The following RNF144B variants were observed in gnomAD, a reference collection of about 807,000 sequenced individuals.
The protein encoded by RNF144B is ring finger protein 144B, also known as E3 ubiquitin-protein ligase RNF144B.
Under a neutral mutation model 40.2 loss-of-function variants are expected in RNF144B, and 25 were observed. The observed-to-expected ratio is 0.62, with a 90% CI of 0.45 to 0.87. The LOEUF (loss-of-function observed/expected upper bound fraction) is 0.87. RNF144B is among the 40% of genes least tolerant of loss of function. The pLI, the probability that RNF144B is intolerant of heterozygous loss-of-function variation, is 0.00. For synonymous variants in RNF144B, 145 were observed against 136.3 expected (o/e 1.06, Z -0.44); for missense variants, 365 against 373.7 (o/e 0.98, Z 0.19).
Position 18,410,753 on chromosome 6 carries a change from G to A in RNF144B, c.165+11054G>A, listed in dbSNP as rs149090540. 3.9e-5 allele frequency among the ~76,000 whole-genome samples: 6 copies of A among 152,088 alleles called. No homozygotes were observed. The highest frequency in any genetic ancestry group is 6.6e-5 in the Admixed American group (1 of 15,264). ...TTGGGAATGAGATAGGGAGGATGGCGTCGGTACAGGATAGAGAATGGACTG... is the reference window on the plus strand; with the variant it reads ...TTGGGAATGAGATAGGGAGGATGGCATCGGTACAGGATAGAGAATGGACTG... On this transcript the variant is annotated intron_variant, in intron 2 of 7. Transcript: ENST00000259939. This position sits in a 1 kb window ranked among gnomAD's most constrained non-coding sequence, Gnocchi z 4.6.
At chr6:18,396,280 A>T in intron 1 of RNF144B, 1 of 568,672 alleles carries the variant, frequency 1.8e-6, no homozygotes, top group African/African-American at 2.0e-5. Context: ...TCCATTATGG[A>T]TAATAATTGA....
In RNF144B at chr6:18,459,374, G is replaced by C. The variant is rs1396459004; in HGVS notation, c.537-233G>C. Among the ~76,000 whole-genome samples the C allele has an allele frequency of 2.0e-5, 3 of 150,440 alleles. No individual in the cohort carries two copies. The highest frequency in any genetic ancestry group is 7.3e-5 in the African/African-American group (3 of 41,142). On this transcript the variant is annotated intron_variant, in intron 5 of 7. Coordinates refer to ENST00000259939, the MANE Select transcript of RNF144B (RefSeq NM_182757.4). The surrounding 1 kb of genome is among the most constrained non-coding windows in gnomAD (Gnocchi z 4.2). ...AAATATTAATTTGACAAAATAGTGA[G>C]TTAAATCAGTGGTGGAAACTGTAAT...
Position 18,460,306 on chromosome 6 carries a change from G to T in RNF144B, c.681+555G>T, listed in dbSNP as rs924691014. 6.6e-6 allele frequency among the ~76,000 whole-genome samples: 1 copy of T among 152,064 alleles called. No individual in the cohort carries two copies. The highest frequency in any genetic ancestry group is 1.5e-5 in the Non-Finnish European group (1 of 68,020). ...TCTCTCACTCCCTTCTTTCTTAGTC[G>T]TTGCTCCCTCTGACCACAGCTGGGA... On this transcript the variant is annotated intron_variant, in intron 6 of 7. Coordinates refer to ENST00000259939, the MANE Select transcript of RNF144B (RefSeq NM_182757.4). This position sits in a 1 kb window ranked among gnomAD's most constrained non-coding sequence, Gnocchi z 4.4.
intron 2 of RNF144B, among the ~76,000 whole-genome samples, chr6:18,411,481 ATATATATATATATATATTT>A (rs1460801801): frequency 1.1e-3 from 31 of 27,876 alleles, no homozygotes; most frequent in Non-Finnish European, 2.5e-3. Context: ...ATATATATAT[ATATATATATATATATATTT>A]TTTTTTTTTT....
chr6:18,393,136 A>AG (rs59496875), intron 1 of RNF144B, among the ~76,000 whole-genome samples: 1 of 148,830 alleles, frequency 6.7e-6, no homozygotes, highest in African/African-American at 2.5e-5. Flanking sequence ...AAAAAAAAAA[A>AG]GTAATTAATA....
rs1794917534 is a variant in RNF144B at position 18,406,685 on chromosome 6, G to C, written c.165+6986G>C. ...ATGTCCCAGCTCAGGCAGTCAGGCA[G>C]GGAGACGAATTCTTTCCTCCTTTTG... On this transcript the variant is annotated intron_variant, in intron 2 of 7. Coordinates refer to ENST00000259939, the MANE Select transcript of RNF144B (RefSeq NM_182757.4). The surrounding 1 kb of genome is among the most constrained non-coding windows in gnomAD (Gnocchi z 4.2). 6.6e-6 allele frequency among the ~76,000 whole-genome samples: 1 copy of C among 152,186 alleles called. No homozygotes were observed. Among genetic ancestry groups the C allele is most frequent in the African/African-American group, 2.4e-5 (1 of 41,516 alleles).
intron 3 of RNF144B, among the ~76,000 whole-genome samples, chr6:18,431,777 A>G (rs1382963416): frequency 6.6e-6 from 1 of 152,246 alleles, no homozygotes; most frequent in Non-Finnish European, 1.5e-5. Context: ...AAAGGATGGC[A>G]GGAATGTAAG....
At chr6:18,402,949 C>T (rs949510164) in intron 2 of RNF144B, among the ~76,000 whole-genome samples, 6 of 152,136 alleles carry the variant, frequency 3.9e-5, no homozygotes, top group Admixed American at 1.3e-4. Context: ...GCATGACTGA[C>T]GTCATAGAAC....
intron 2 of RNF144B, among the ~76,000 whole-genome samples, chr6:18,424,347 A>G (rs894312501): frequency 2.0e-5 from 3 of 152,202 alleles, no homozygotes; most frequent in Non-Finnish European, 4.4e-5. Flanking sequence ...CTTTGAATAG[A>G]AATGCATGCC....
At chr6:18,461,877 A>G (rs886517243) in intron 6 of RNF144B, among the ~76,000 whole-genome samples, 2 of 152,138 alleles carry the variant, frequency 1.3e-5, no homozygotes, top group Admixed American at 6.5e-5. Context: ...ACCAAACAGG[A>G]ATTTTGAGTG....
chr6:18,429,400 C>T (rs1270564225), intron 3 of RNF144B, among the ~76,000 whole-genome samples: 1 of 152,110 alleles, frequency 6.6e-6, no homozygotes, highest in Non-Finnish European at 1.5e-5. Context: ...GTAAGTGAAG[C>T]AGTCAGAAAG....
intron 6 of RNF144B, among the ~76,000 whole-genome samples, chr6:18,461,229 A>G (rs1759445334): frequency 6.6e-6 from 1 of 152,236 alleles, no homozygotes; most frequent in Non-Finnish European, 1.5e-5. Flanking sequence ...TTTAGACTCT[A>G]GAAGTTCAGC....
chr6:18,426,771 G>A (rs1010322018), intron 2 of RNF144B, among the ~76,000 whole-genome samples: 4 of 133,440 alleles, frequency 3.0e-5, no homozygotes, highest in Admixed American at 2.2e-4. Context: ...TCTTCTCTGG[G>A]TTTCATTTTT....
At chr6:18,399,265 C>T (rs1414082977) in intron 1 of RNF144B, among the ~76,000 whole-genome samples, 3 of 152,086 alleles carry the variant, frequency 2.0e-5, no homozygotes, top group Admixed American at 1.3e-4. Flanking sequence ...TTTTAATTTC[C>T]ATAGCTCATA....
At chr6:18,451,418 G>A (rs536862384) in intron 4 of RNF144B, among the ~76,000 whole-genome samples, 8 of 152,124 alleles carry the variant, frequency 5.3e-5, no homozygotes, top group Non-Finnish European at 1.0e-4. Flanking sequence ...GCTTACTTAC[G>A]ATATGAGTTC....
Position 18,419,324 on chromosome 6 carries a change from A to T in RNF144B, c.166-8257A>T, listed in dbSNP as rs959598661. On this transcript the variant is annotated intron_variant, in intron 2 of 7. Coordinates refer to ENST00000259939, the MANE Select transcript of RNF144B (RefSeq NM_182757.4). The surrounding 1 kb of genome is among the most constrained non-coding windows in gnomAD (Gnocchi z 4.6). ...GGCTTAGATCATTTTCTTCGGGGGC[A>T]CTGCTCTCTGCTAGGGAACCACTGG... Among the ~76,000 whole-genome samples the T allele has an allele frequency of 6.6e-6, 1 of 152,088 alleles. No homozygotes were observed. The highest frequency in any genetic ancestry group is 1.5e-5 in the Non-Finnish European group (1 of 68,018).
Position 18,464,807 on chromosome 6 carries a change from A to G in RNF144B, c.772-120A>G, listed in dbSNP as rs1759541415. ...CGTCACATCGGGGATTTAGGGTTTC[A>G]ACATATGAGCTTCAGGGGGACACAA... On this transcript the variant is annotated intron_variant, in intron 7 of 7. Coordinates refer to ENST00000259939, the MANE Select transcript of RNF144B (RefSeq NM_182757.4). The surrounding 1 kb of genome is among the most constrained non-coding windows in gnomAD (Gnocchi z 6.1). 2.1e-6 allele frequency: 2 copies of G among 966,622 alleles called. No homozygotes were observed. Among genetic ancestry groups the G allele is most frequent in the South Asian group, 3.3e-5 (2 of 61,284 alleles). 59.9% of individuals were successfully genotyped at this position (966,622 alleles called of 1,614,324 possible).
intron 3 of RNF144B, among the ~76,000 whole-genome samples, chr6:18,435,897 A>G (rs1212981219): frequency 6.6e-6 from 1 of 151,722 alleles, no homozygotes. Context: ...GGGGAGGGAT[A>G]GCATTAGGAG....
At chr6:18,408,865 C>T (rs148567403) in intron 2 of RNF144B, among the ~76,000 whole-genome samples, 42 of 151,962 alleles carry the variant, frequency 2.8e-4, no homozygotes, top group African/African-American at 1.0e-3. Context: ...CTAGGGAACA[C>T]AGTTAAAGAC....
Sources: allele counts gnomAD v4.1 joint callset (sites outside exome capture counted in the v4.1 genomes callset), GRCh38; gene constraint gnomAD v4.1.1; non-coding constraint Gnocchi (gnomAD v3.1); transcripts MANE v1.5; gene names NCBI Gene and HGNC (gene_info 2026-07-23, HGNC 2026-07-21).